NFATC2: variants seen among roughly 807,000 people sequenced by gnomAD.
NFATC2 encodes the protein nuclear factor of activated T cells 2.
Under a neutral mutation model 87.3 loss-of-function variants are expected in NFATC2, and 22 were observed. The observed-to-expected ratio is 0.25, with a 90% CI of 0.18 to 0.36. The LOEUF is 0.36. Among genes scored for constraint, NFATC2 ranks in the 10% least tolerant of loss-of-function variants. The probability of loss-of-function intolerance (pLI) is 1.00; values close to 1 mark genes in which losing one functional copy is unlikely to be tolerated. For synonymous variants in NFATC2, 565 were observed against 542.2 expected (o/e 1.04, Z -0.58); for missense variants, 1,149 against 1,259.1 (o/e 0.91, Z 1.32).
intron 2 of NFATC2, among the ~76,000 whole-genome samples, chr20:51,517,826 AG>A (rs2076378007): frequency 6.6e-6 from 1 of 151,798 alleles, no homozygotes; most frequent in South Asian, 2.1e-4. Context: ...CTGAGGCATG[AG>A]AATCACTTGA....
At chr20:51,478,762 C>T (rs1316272343) in intron 3 of NFATC2, among the ~76,000 whole-genome samples, 1 of 152,246 alleles carries the variant, frequency 6.6e-6, no homozygotes, top group Non-Finnish European at 1.5e-5. Flanking sequence ...AGCCTTCCCA[C>T]AGCCCAGCCT....
At chr20:51,543,641 G>A (rs1222859434), upstream of NFATC2, among the ~76,000 whole-genome samples, 1 of 152,204 alleles carries the variant, frequency 6.6e-6, no homozygotes, top group African/African-American at 2.4e-5. Flanking sequence ...CTTGTTTAAA[G>A]CATGATTCCC....
chr20:51,414,908 T>C (rs1250148127), intron 9 of NFATC2, among the ~76,000 whole-genome samples: 1 of 152,102 alleles, frequency 6.6e-6, no homozygotes, highest in African/African-American at 2.4e-5. Context: ...CACTCCAGCC[T>C]CTGGGGTCAT....
intron 9 of NFATC2, among the ~76,000 whole-genome samples, chr20:51,429,574 G>T (rs1982377932): frequency 6.6e-6 from 1 of 152,206 alleles, no homozygotes; most frequent in South Asian, 2.1e-4. Flanking sequence ...CGACTCCCGG[G>T]CCTCCATTCT....
At chr20:51,451,365 T>G (rs1339420373) in intron 6 of NFATC2, among the ~76,000 whole-genome samples, 2 of 152,246 alleles carry the variant, frequency 1.3e-5, no homozygotes, top group Non-Finnish European at 2.9e-5. Flanking sequence ...TGTTGACCAG[T>G]GGCAATATTG....
intron 1 of NFATC2, among the ~76,000 whole-genome samples, chr20:51,532,432 C>CT (rs1282109343): frequency 6.6e-6 from 1 of 152,182 alleles, no homozygotes; most frequent in Non-Finnish European, 1.5e-5. Flanking sequence ...AAAGAAATCA[C>CT]TCTGGGGGCC....
intron 9 of NFATC2, among the ~76,000 whole-genome samples, chr20:51,414,044 G>A (rs919979806): frequency 2.6e-5 from 4 of 152,210 alleles, no homozygotes; most frequent in Non-Finnish European, 2.9e-5. Flanking sequence ...AGGCAGTCTC[G>A]GTTCTCAGTT....
chr20:51,468,530 C>A (rs544244339), intron 5 of NFATC2, among the ~76,000 whole-genome samples: 2 of 152,328 alleles, frequency 1.3e-5, no homozygotes, highest in East Asian at 3.9e-4. Context: ...ATCTGCTGGG[C>A]AGGGAGAAAG....
Position 51,432,712 on chromosome 20 carries a change from G to A in NFATC2, c.2077C>T (p.Leu693=). The change falls in exon 9 of 11, where the codon CTG becomes TTG. Residue 693 remains leucine (L), a synonymous_variant. Coordinates refer to ENST00000371564, the MANE Select transcript of NFATC2 (RefSeq NM_012340.5). This position sits in a 1 kb window ranked among gnomAD's most constrained non-coding sequence, Gnocchi z 4.6. ...CCTCCATGGGTGGGGCTGCAGATCA[G>A]AGTGGGGTCATATTCATCCGTGGGC... ...TEPTDEYDPT[L]ICSPTHGGLG... is the part of the protein sequence containing the mutation. The A allele has an allele frequency of 6.3e-7, 1 of 1,587,752 alleles. No individual in the cohort carries two copies. Among genetic ancestry groups the A allele is most frequent in the Non-Finnish European group, 8.5e-7 (1 of 1,174,160 alleles).
At chr20:51,512,225 G>T (rs2076282945) in intron 3 of NFATC2, among the ~76,000 whole-genome samples, 1 of 152,162 alleles carries the variant, frequency 6.6e-6, no homozygotes, top group African/African-American at 2.4e-5. Flanking sequence ...CTCTTGTCAT[G>T]GTTTGTTCTG....
intron 9 of NFATC2, among the ~76,000 whole-genome samples, chr20:51,409,438 A>G (rs1978860496): frequency 6.6e-6 from 1 of 152,272 alleles, no homozygotes; most frequent in South Asian, 2.1e-4. Context: ...ACAATGAGTG[A>G]AATCTACAAA....
chr20:51,503,142 G>A (rs554338932), intron 3 of NFATC2, among the ~76,000 whole-genome samples: 2 of 152,170 alleles, frequency 1.3e-5, no homozygotes, highest in African/African-American at 4.8e-5. Flanking sequence ...TGGCACTGGG[G>A]CTTAGGAAGA....
At chr20:51,449,932 GTACT>G (rs1332371136) in intron 6 of NFATC2, among the ~76,000 whole-genome samples, 1 of 151,926 alleles carries the variant, frequency 6.6e-6, no homozygotes, top group Admixed American at 6.5e-5. Flanking sequence ...TTCATTATTA[GTACT>G]TACTACTGTT....
chr20:51,440,682 C>A (rs548393482), intron 6 of NFATC2, among the ~76,000 whole-genome samples: 1 of 152,226 alleles, frequency 6.6e-6, no homozygotes, highest in Non-Finnish European at 1.5e-5. Context: ...GCCAAGGAAT[C>A]TGGCCTGACC....
At position 51,455,042 on chromosome 20, in the gene NFATC2, AT is replaced by A. The variant is rs369825615; in HGVS notation, c.1709-355del. Among the ~76,000 whole-genome samples the A allele has an allele frequency of 3.3e-3, 498 of 152,340 alleles. 4 individuals carry two copies. Among genetic ancestry groups the A allele is most frequent in the African/African-American group, 0.011 (469 of 41,562 alleles). The stretch of plus-strand genomic sequence containing the variant: ...TATCCTTTTATAAAGGGATGGGCAA[AT>A]AAACTTCTTTATAAGAGGTTTCCTT... On this transcript the variant is annotated intron_variant, in intron 5 of 10. Coordinates refer to ENST00000371564, the MANE Select transcript of NFATC2 (RefSeq NM_012340.5).
intron 6 of NFATC2, among the ~76,000 whole-genome samples, chr20:51,442,174 G>A (rs1327732734): frequency 1.3e-5 from 2 of 152,190 alleles, no homozygotes; most frequent in Non-Finnish European, 2.9e-5. Flanking sequence ...GCTCACGCCT[G>A]TAATCCCAGC....
rs1227137024 is a variant in NFATC2 at position 51,480,835 on chromosome 20, A to G, written c.1333-5175T>C. 6.6e-6 allele frequency among the ~76,000 whole-genome samples: 1 copy of G among 152,210 alleles called. No individual in the cohort carries two copies. Among genetic ancestry groups the G allele is most frequent in the African/African-American group, 2.4e-5 (1 of 41,442 alleles). On this transcript the variant is annotated intron_variant, in intron 3 of 10. Transcript: ENST00000371564. This position sits in a 1 kb window ranked among gnomAD's most constrained non-coding sequence, Gnocchi z 4.2. The stretch of plus-strand genomic sequence containing the variant: ...CCATGAAACGAGAACTTTCCTTGTC[A>G]TCGGAGGATGACGCAAATCGAAACA...
rs935700928 is a variant in NFATC2 at position 51,387,678 on chromosome 20, C to T, written c.*3818G>A. ...TCCACGAAACGTAATGCCCTAGCCT[C>T]GAGCCTAGGAGACCCAAGGTTAAGA... is the stretch of plus-strand genomic sequence containing the variant. On this transcript the variant is annotated 3_prime_UTR_variant, in exon 11 of 11. Transcript: ENST00000371564. 3 of 152,090 alleles carry T rather than the reference C, an allele frequency of 2.0e-5. No individual in the cohort carries two copies. The highest frequency in any genetic ancestry group is 4.8e-5 in the African/African-American group (2 of 41,392). 9.4% of individuals were successfully genotyped at this position (152,090 alleles called of 1,614,324 possible).
chr20:51,429,947 G>A (rs745534165), intron 9 of NFATC2, among the ~76,000 whole-genome samples: 84 of 151,882 alleles, frequency 5.5e-4, no homozygotes, highest in Admixed American at 3.1e-3. Flanking sequence ...ACCTGCCTGC[G>A]TTGAGAAAGG....
Sources: allele counts gnomAD v4.1 joint callset (sites outside exome capture counted in the v4.1 genomes callset), GRCh38; gene constraint gnomAD v4.1.1; non-coding constraint Gnocchi (gnomAD v3.1); transcripts MANE v1.5; gene names NCBI Gene and HGNC (gene_info 2026-07-23, HGNC 2026-07-21).